LRBA: variants seen among roughly 807,000 people sequenced by gnomAD.
The protein encoded by LRBA is lipopolysaccharide-responsive and beige-like anchor protein.
Under a neutral mutation model 330.0 loss-of-function variants are expected in LRBA, and 176 were observed. The ratio of observed to expected loss-of-function variants is 0.53; its 90% CI spans 0.47 to 0.60. LRBA has a LOEUF of 0.60. Ranked by LOEUF, LRBA falls within the 20% of genes least tolerant of loss-of-function variation. LRBA has a pLI of 0.00. For synonymous variants in LRBA, 1,230 were observed against 1,193.0 expected, an observed-to-expected ratio of 1.03 and a Z score of -0.64; for missense variants, 3,259 against 3,444.8, an observed-to-expected ratio of 0.95 and a Z score of 1.35.
chr4:150,347,937 G>C (rs1014472945), intron 48 of LRBA, among the ~76,000 whole-genome samples: 2 of 143,068 alleles, frequency 1.4e-5, no homozygotes, highest in African/African-American at 4.9e-5. Context: ...ACTCTCTGCT[G>C]TACAATGCTG....
At chr4:150,615,670 T>A (rs1379831716) in intron 37 of LRBA, among the ~76,000 whole-genome samples, 6 of 152,226 alleles carry the variant, frequency 3.9e-5, no homozygotes, top group Non-Finnish European at 7.3e-5. Flanking sequence ...GTTTTAAACA[T>A]GTTTTATTCA....
chr4:150,430,170 T>G (rs1367959476), intron 46 of LRBA, among the ~76,000 whole-genome samples: 1 of 152,166 alleles, frequency 6.6e-6, no homozygotes, highest in East Asian at 1.9e-4. Flanking sequence ...ATCTTAAATG[T>G]ATCCACATTT....
chr4:150,774,056 C>A (rs1736934154), intron 34 of LRBA, among the ~76,000 whole-genome samples: 1 of 152,070 alleles, frequency 6.6e-6, no homozygotes, highest in Non-Finnish European at 1.5e-5. Flanking sequence ...TATAGAGCAC[C>A]CTTGACATAA....
intron 2 of LRBA, chr4:150,970,566 C>CGT (rs1561074366): frequency 8.5e-4 from 121 of 142,636 alleles, no homozygotes; most frequent in African/African-American, 2.9e-3. Context: ...TACACACACA[C>CGT]ACACACACAC....
chr4:150,672,344 G>A lies in LRBA; in HGVS notation c.5921+11207C>T, dbSNP rs558331201. 3.3e-5 allele frequency among the ~76,000 whole-genome samples: 5 copies of A among 151,050 alleles called. No individual in the cohort carries two copies. The Middle Eastern group carries it at 0.01, about 313-fold the overall frequency. ...AGATGCCCATATGTAATAAAGTTTC[G>A]ATTTTTTCTTTTTTTTTTTTAGAAG... On this transcript the variant is annotated intron_variant, in intron 37 of 56. Coordinates refer to ENST00000651943, the MANE Select transcript of LRBA (RefSeq NM_001364905.1).
chr4:150,730,770 C>T (rs186758686), intron 36 of LRBA, among the ~76,000 whole-genome samples: 6 of 150,586 alleles, frequency 4.0e-5, no homozygotes, highest in Middle Eastern at 3.6e-3. Flanking sequence ...GTAATCTCAG[C>T]ACTTTGGGAG....
At chr4:150,689,181 C>T (rs1783892329) in intron 36 of LRBA, among the ~76,000 whole-genome samples, 1 of 152,086 alleles carries the variant, frequency 6.6e-6, no homozygotes, top group African/African-American at 2.4e-5. Flanking sequence ...AAGCTGGAAA[C>T]CATCATTCTC....
At chr4:150,623,206 T>C (rs1261677054) in intron 37 of LRBA, among the ~76,000 whole-genome samples, 1 of 152,198 alleles carries the variant, frequency 6.6e-6, no homozygotes, top group Non-Finnish European at 1.5e-5. Context: ...ATTCAAACCT[T>C]GCCCCACAAG....
rs755978241 is a variant in LRBA at position 150,852,630 on chromosome 4, T to G, written c.3080A>C (p.Glu1027Ala). ...TTCCAAAGTGCCTTCATCTGGTAAC[T>G]CCTGATTTTCTTGCTCAGCTTTCAT... is the stretch of plus-strand genomic sequence containing the variant. ...EEMKAEQENQ[E>A]LPDEGTLEET... Residue 1027 changes from glutamate to alanine, a missense_variant, in exon 23 of 57, where the codon GAG (glutamate) becomes GCG (alanine). By Grantham distance (107) the Glu-to-Ala change is moderately radical. Transcript: ENST00000651943. 2 of 1,614,056 alleles carry G rather than the reference T, an allele frequency of 1.2e-6. No individual in the cohort carries two copies. Among genetic ancestry groups the G allele is most frequent in the Admixed American group, 3.3e-5 (2 of 60,026 alleles).
chr4:150,719,143 G>A (rs1165766188), intron 36 of LRBA, among the ~76,000 whole-genome samples: 1 of 151,984 alleles, frequency 6.6e-6, no homozygotes, highest in East Asian at 1.9e-4. Context: ...ATACTTTTCA[G>A]ATCAAATCAA....
intron 2 of LRBA, among the ~76,000 whole-genome samples, chr4:150,941,170 T>G (rs1735633553): frequency 6.6e-6 from 1 of 152,050 alleles, no homozygotes; most frequent in African/African-American, 2.4e-5. Context: ...TATATATATA[T>G]ATTTTGAGAT....
intron 40 of LRBA, among the ~76,000 whole-genome samples, chr4:150,570,776 T>C (rs932505372): frequency 1.3e-5 from 2 of 152,128 alleles, no homozygotes; most frequent in African/African-American, 4.8e-5. Context: ...GAGCATATCT[T>C]ATTAACATTC....
chr4:150,482,511 T>C (rs1757401994), intron 42 of LRBA, among the ~76,000 whole-genome samples: 1 of 152,108 alleles, frequency 6.6e-6, no homozygotes, highest in Admixed American at 6.6e-5. Context: ...GAAGCAGTCA[T>C]TGCATGAACA....
chr4:150,521,358 T>G (rs1762903506), intron 40 of LRBA, among the ~76,000 whole-genome samples: 1 of 152,206 alleles, frequency 6.6e-6, no homozygotes, highest in South Asian at 2.1e-4. Flanking sequence ...AATTTCACAG[T>G]TATAGGTTTT....
At chr4:150,386,010 T>G (rs1053129502) in intron 47 of LRBA, among the ~76,000 whole-genome samples, 21 of 152,144 alleles carry the variant, frequency 1.4e-4, no homozygotes, top group African/African-American at 5.1e-4. Context: ...GAAAAAACAC[T>G]GCCATCTTTC....
chr4:150,642,725 C>T (rs1027228832), intron 37 of LRBA, among the ~76,000 whole-genome samples: 5 of 151,716 alleles, frequency 3.3e-5, no homozygotes, highest in Non-Finnish European at 7.4e-5. Flanking sequence ...TCCTCAAAAT[C>T]AATGTTTTGT....
chr4:150,332,878 G>A (rs1398747755), intron 48 of LRBA, among the ~76,000 whole-genome samples: 2 of 152,052 alleles, frequency 1.3e-5, no homozygotes, highest in African/African-American at 2.4e-5. Context: ...ATATTACCTA[G>A]AGAATGTATT....
intron 11 of LRBA, 123 bp from the exon 12 acceptor site, chr4:150,906,528 C>A: frequency 1.7e-6 from 1 of 577,540 alleles, no homozygotes; most frequent in Non-Finnish European, 3.1e-6. Context: ...GAAATTGAAG[C>A]TCCACTAAAA....
chr4:150,427,969 G>T (rs1041705653), intron 46 of LRBA, among the ~76,000 whole-genome samples: 1 of 151,854 alleles, frequency 6.6e-6, no homozygotes, highest in Admixed American at 6.6e-5. Context: ...AGACCTCTGG[G>T]ATTTCTGAGG....
Sources: allele counts gnomAD v4.1 joint callset (sites outside exome capture counted in the v4.1 genomes callset), GRCh38; gene constraint gnomAD v4.1.1; transcripts MANE v1.5; gene names NCBI Gene and HGNC (gene_info 2026-07-23, HGNC 2026-07-21).